The following COL19A1 variants were observed in gnomAD, a reference collection of about 807,000 sequenced individuals.
The protein encoded by COL19A1 is collagen type XIX alpha 1 chain, also known as collagen alpha-1(XIX) chain.
In COL19A1, 159 loss-of-function variants were observed where a neutral mutation model predicts 190.2. That is an observed-to-expected ratio of 0.84 (90% CI 0.73 to 0.95). The LOEUF is 0.95. Ranked by LOEUF, COL19A1 falls within the 40% of genes least tolerant of loss-of-function variation. The probability of loss-of-function intolerance (pLI) is 0.00; values close to 1 mark genes in which losing one functional copy is unlikely to be tolerated. For missense variants in COL19A1, 1,418 were observed against 1,431.9 expected (o/e 0.99, Z 0.16); for synonymous variants, 509 against 458.9 (o/e 1.11, Z -1.39).
chr6:70,068,832 C>T (rs1216084545), intron 15 of COL19A1, among the ~76,000 whole-genome samples: 2 of 152,102 alleles, frequency 1.3e-5, no homozygotes. Flanking sequence ...ATATTAACTA[C>T]ATTCTTTATC....
At chr6:69,981,880 T>C (rs1457906503) in intron 11 of COL19A1, among the ~76,000 whole-genome samples, 1 of 152,204 alleles carries the variant, frequency 6.6e-6, no homozygotes, top group Non-Finnish European at 1.5e-5. Flanking sequence ...TAAGGATTTA[T>C]ATAAAATTAC....
chr6:69,889,154 G>A (rs778352808), intron 2 of COL19A1, among the ~76,000 whole-genome samples: 18 of 152,170 alleles, frequency 1.2e-4, no homozygotes, highest in Non-Finnish European at 2.5e-4. Context: ...GAACTGCCAT[G>A]AGCTTTGTCA....
At chr6:70,085,228 G>T (rs1176470098) in intron 15 of COL19A1, among the ~76,000 whole-genome samples, 1 of 152,150 alleles carries the variant, frequency 6.6e-6, no homozygotes, top group Non-Finnish European at 1.5e-5. Flanking sequence ...TAGCACAGTT[G>T]CCCAGGAAGA....
At chr6:70,062,882 G>A (rs1374434205) in intron 14 of COL19A1, among the ~76,000 whole-genome samples, 1 of 151,984 alleles carries the variant, frequency 6.6e-6, no homozygotes, top group African/African-American at 2.4e-5. Context: ...AAGAGACAAA[G>A]AAGGCCATTA....
rs1476557574 is a variant in COL19A1, at chr6:70,165,979, A to G, written c.2439A>G (p.Gly813=). 1.9e-6 allele frequency: 3 copies of G among 1,613,968 alleles called. No homozygotes were observed. Among genetic ancestry groups the G allele is most frequent in the Non-Finnish European group, 2.5e-6 (3 of 1,179,836 alleles). The change falls in exon 37 of 51, where the codon GGA becomes GGG. Residue 813 remains glycine (G), a synonymous_variant. Coordinates refer to ENST00000620364, the MANE Select transcript of COL19A1 (RefSeq NM_001858.6). ...DGPPGKPGPP[G]PPGIPFNERN... is the part of the protein sequence containing the mutation. The stretch of plus-strand genomic sequence containing the variant: ...CCCCTGGGAAACCCGGACCACCTGG[A>G]CCACCTGTGAGTTGTTCTAGGCTTA...
At chr6:69,908,861 AT>A (rs1770722259) in intron 4 of COL19A1, among the ~76,000 whole-genome samples, 1 of 152,144 alleles carries the variant, frequency 6.6e-6, no homozygotes, top group Non-Finnish European at 1.5e-5. Context: ...CCATTCATTT[AT>A]TAGCCAGAGA....
rs117609510 is a variant in COL19A1, at chr6:69,896,874, A to G, written c.92-2074A>G. ...TTATTGATTTCTGAGAGTTCATTGT[A>G]TATTCTAGAAATGATACTTTATTGC... On this transcript the variant is annotated intron_variant, in intron 2 of 50. Transcript: ENST00000620364. Among the ~76,000 whole-genome samples the G allele has an allele frequency of 5.6e-3, 857 of 152,270 alleles. 19 individuals carry two copies. The East Asian group carries it at 0.066, about 12-fold the overall frequency.
chr6:70,201,302 A>G (rs1210364392), intron 49 of COL19A1, among the ~76,000 whole-genome samples: 3 of 152,192 alleles, frequency 2.0e-5, no homozygotes, highest in African/African-American at 7.2e-5. Context: ...GACACCTCAC[A>G]GGTGCTGCGA....
At chr6:69,968,662 A>T (rs545574777) in intron 11 of COL19A1, among the ~76,000 whole-genome samples, 1 of 152,284 alleles carries the variant, frequency 6.6e-6, no homozygotes, top group East Asian at 1.9e-4. Flanking sequence ...TTACCCTGAA[A>T]AATCTTTTTA....
At chr6:70,096,734 T>C (rs565743169) in intron 15 of COL19A1, among the ~76,000 whole-genome samples, 1 of 152,270 alleles carries the variant, frequency 6.6e-6, no homozygotes, top group East Asian at 1.9e-4. Context: ...TGCCTGACTT[T>C]AAATATGAAA....
chr6:69,873,160 A>AAG (rs1767938524), intron 1 of COL19A1, among the ~76,000 whole-genome samples: 1 of 152,022 alleles, frequency 6.6e-6, no homozygotes, highest in Non-Finnish European at 1.5e-5. Flanking sequence ...ACCCGCTCTC[A>AAG]GAGTTAGGAG....
chr6:70,176,438 C>A, intron 41 of COL19A1, 82 bp from the exon 42 acceptor site: 1 of 1,439,884 alleles, frequency 6.9e-7, no homozygotes, highest in Non-Finnish European at 9.6e-7. Context: ...TTACCAAATC[C>A]AAATTATTAT....
chr6:70,165,776 T>A lies in COL19A1; in HGVS notation c.2401-165T>A, dbSNP rs1765111153. ...ACCTGTCCTGCGGTCTAGAAATGTA[T>A]TTCCTGGGTAAAGGAGAGCCCAGCT... On this transcript the variant is annotated intron_variant, in intron 36 of 50. Coordinates refer to ENST00000620364, the MANE Select transcript of COL19A1 (RefSeq NM_001858.6). Among the ~76,000 whole-genome samples the A allele has an allele frequency of 2.0e-5, 3 of 152,200 alleles. No homozygotes were observed. In the East Asian group the frequency reaches 5.8e-4, roughly 29 times the overall value.
chr6:70,199,789 T>C, intron 49 of COL19A1, 53 bp downstream of exon 49: 1 of 1,536,032 alleles, frequency 6.5e-7, no homozygotes. Flanking sequence ...TCTGTATTTA[T>C]AACATGTTAG....
chr6:69,989,553 C>CTTTTTTTTT lies in COL19A1; in HGVS notation c.1026+26691_1026+26699dup, dbSNP rs3072698. On this transcript the variant is annotated intron_variant, in intron 11 of 50. Coordinates refer to ENST00000620364, the MANE Select transcript of COL19A1 (RefSeq NM_001858.6). ...AAACTAACATAATGAGAGTTTTTTACTTTTTTTTTTTTTTTTGCTCATCAG... is the reference window on the plus strand; with the variant it reads ...AAACTAACATAATGAGAGTTTTTTACTTTTTTTTTTTTTTTTTTTTTTTTTGCTCATCAG... 4.3e-3 allele frequency among the ~76,000 whole-genome samples: 542 copies of CTTTTTTTTT among 126,264 alleles called. 35 individuals carry two copies. The highest frequency in any genetic ancestry group is 0.016 in the African/African-American group (495 of 31,146). 82.8% of individuals were successfully genotyped at this position (126,264 alleles called of 152,430 possible). A position where few individuals can be genotyped will look rare whatever the true frequency, so the allele number is the denominator to read the frequency against.
intron 6 of COL19A1, among the ~76,000 whole-genome samples, chr6:69,931,924 A>G (rs1772787388): frequency 1.3e-5 from 2 of 152,048 alleles, no homozygotes; most frequent in Non-Finnish European, 2.9e-5. Flanking sequence ...CTATTATTAT[A>G]AGATTAATTA....
chr6:69,989,960 T>G lies in COL19A1; in HGVS notation c.1026+27090T>G, dbSNP rs188535831. ...AGACTTCAATTGTGAATGAGTAATTTTTGCCTTCATTTCTAGAGCTTTATC... is the reference window on the plus strand; with the variant it reads ...AGACTTCAATTGTGAATGAGTAATTGTTGCCTTCATTTCTAGAGCTTTATC... On this transcript the variant is annotated intron_variant, in intron 11 of 50. Transcript: ENST00000620364. Among the ~76,000 whole-genome samples, 125 of 152,216 alleles carry G rather than the reference T, an allele frequency of 8.2e-4. 1 individual carries two copies. The highest frequency in any genetic ancestry group is 2.9e-5 in the Non-Finnish European group (2 of 67,980).
At chr6:70,112,280 C>T (rs1784325990) in intron 16 of COL19A1, among the ~76,000 whole-genome samples, 1 of 152,154 alleles carries the variant, frequency 6.6e-6, no homozygotes, top group African/African-American at 2.4e-5. Flanking sequence ...ACATTCCCCT[C>T]CTTGCTAGTT....
chr6:70,133,727 A>G (rs1264496921), intron 18 of COL19A1, among the ~76,000 whole-genome samples: 1 of 152,220 alleles, frequency 6.6e-6, no homozygotes, highest in Non-Finnish European at 1.5e-5. Context: ...TAACTTCATC[A>G]CTTGTGTTTC....
Sources: allele counts gnomAD v4.1 joint callset (sites outside exome capture counted in the v4.1 genomes callset), GRCh38; gene constraint gnomAD v4.1.1; transcripts MANE v1.5; gene names NCBI Gene and HGNC (gene_info 2026-07-23, HGNC 2026-07-21).